Variants in PI4KA observed in about 807,000 individuals in gnomAD.
The protein encoded by PI4KA is PI4-kinase alpha.
Under a neutral mutation model 271.4 loss-of-function variants are expected in PI4KA, and 122 were observed. That is an observed-to-expected ratio of 0.45 (90% CI 0.39 to 0.52). The LOEUF is 0.52. PI4KA is among the 20% of genes least tolerant of loss of function. PI4KA has a pLI of 0.00. For synonymous variants in PI4KA, 1,041 were observed against 1,078.8 expected, an observed-to-expected ratio of 0.96 and a Z score of 0.69; for missense variants, 1,969 against 2,769.1, an observed-to-expected ratio of 0.71 and a Z score of 6.48.
chr22:20,709,969 C>G lies in PI4KA; in HGVS notation c.6112G>C (p.Val2038Leu). 1.2e-6 allele frequency: 2 copies of G among 1,613,612 alleles called. No homozygotes were observed. Among genetic ancestry groups the G allele is most frequent in the Non-Finnish European group, 1.7e-6 (2 of 1,179,610 alleles). The change falls in exon 53 of 55, where the codon GTC becomes CTC. Residue 2038 changes from valine (V) to leucine (L), a missense_variant. Coordinates refer to ENST00000255882, the MANE Select transcript of PI4KA (RefSeq NM_058004.4). ...RPYMDAVVSL[V>L]TLMLDTGLPC... ...AGGCCCGTGTCCAACATGAGAGTGA[C>G]CAGGGAGACGACCGCGTCCATGTAG...
chr22:20,786,344 CACTT>C (rs1393680020), intron 19 of PI4KA, among the ~76,000 whole-genome samples: 2 of 152,140 alleles, frequency 1.3e-5, no homozygotes, highest in African/African-American at 4.8e-5. Flanking sequence ...ACCTGGCAGA[CACTT>C]ACTGGGCAGG....
At position 20,779,794 on chromosome 22, in the gene PI4KA, C is replaced by A. The variant is rs930125664; in HGVS notation, c.2328+13399G>T. 34 of 1,614,186 alleles carry A rather than the reference C, an allele frequency of 2.1e-5. No individual in the cohort carries two copies. Among genetic ancestry groups the A allele is most frequent in the Middle Eastern group, 1.6e-4 (1 of 6,062 alleles). On this transcript the variant is annotated intron_variant, in intron 19 of 54. Transcript: ENST00000255882. Reference sequence around the variant, plus strand: ...ATAGCACCCGTTGGCATTTCTACTGCGATGGGTATGATTTCCTTAGGTCTG... The same window carrying A: ...ATAGCACCCGTTGGCATTTCTACTGAGATGGGTATGATTTCCTTAGGTCTG...
At chr22:20,815,197 A>G (rs1196528249) in intron 7 of PI4KA, among the ~76,000 whole-genome samples, 1 of 151,992 alleles carries the variant, frequency 6.6e-6, no homozygotes, top group Admixed American at 6.5e-5. Flanking sequence ...CCTGGCAAAC[A>G]TGGTGAAACG....
Position 20,767,936 on chromosome 22 carries a change from AATTATTATTATTATT to A in PI4KA, c.2329-2258_2329-2244del, listed in dbSNP as rs58742158. ...AGGTGTGAGCCACCACACCTGGCCT[AATTATTATTATTATT>A]ATTATTATTATTATTATTATTATTA... is the stretch of plus-strand genomic sequence containing the variant. On this transcript the variant is annotated intron_variant, in intron 19 of 54. Coordinates refer to ENST00000255882, the MANE Select transcript of PI4KA (RefSeq NM_058004.4). Among the ~76,000 whole-genome samples the A allele has an allele frequency of 4.9e-3, 700 of 141,530 alleles. 4 individuals carry two copies. Among genetic ancestry groups the A allele is most frequent in the Middle Eastern group, 7.3e-3 (2 of 274 alleles). The allele number at this position is 141,530 out of a possible 152,430, so 92.8% of individuals were successfully genotyped here.
intron 22 of PI4KA, among the ~76,000 whole-genome samples, chr22:20,763,961 T>C (rs562486908): frequency 2.8e-4 from 43 of 152,330 alleles, no homozygotes; most frequent in Admixed American, 2.7e-3. Context: ...ACTATTTTAC[T>C]AGAGGGTTGG....
intron 4 of PI4KA, among the ~76,000 whole-genome samples, chr22:20,821,748 C>T (rs540328609): frequency 1.9e-3 from 287 of 151,288 alleles, no homozygotes; most frequent in African/African-American, 6.8e-3. Flanking sequence ...TGCACCACCA[C>T]GCCTGGCTAA....
At chr22:20,744,132 C>A (rs1224026580) in intron 30 of PI4KA, among the ~76,000 whole-genome samples, 2 of 152,072 alleles carry the variant, frequency 1.3e-5, no homozygotes, top group African/African-American at 2.4e-5. Flanking sequence ...GAAATGGAGG[C>A]CCACAGATGT....
chr22:20,781,009 T>G (rs146890521), intron 19 of PI4KA, among the ~76,000 whole-genome samples: 85 of 152,308 alleles, frequency 5.6e-4, no homozygotes, highest in African/African-American at 1.9e-3. Flanking sequence ...CTGTGAACTA[T>G]TCAGCTTGAG....
intron 10 of PI4KA, among the ~76,000 whole-genome samples, chr22:20,805,688 C>T (rs577582984): frequency 1.3e-4 from 19 of 151,622 alleles, no homozygotes; most frequent in Non-Finnish European, 2.4e-4. Context: ...AAAAATTAGC[C>T]GGGCGTGGTG....
In PI4KA at chr22:20,707,980, G is replaced by C. The variant is rs13471; in HGVS notation, c.*67C>G. 7.4e-7 allele frequency: 1 copy of C among 1,355,982 alleles called. No individual in the cohort carries two copies. Among genetic ancestry groups the C allele is most frequent in the Admixed American group, 1.7e-5 (1 of 59,636 alleles). 84.0% of individuals were successfully genotyped at this position (1,355,982 alleles called of 1,614,324 possible). On this transcript the variant is annotated 3_prime_UTR_variant, in exon 55 of 55. Transcript: ENST00000255882. ...CATGTGGCGGCAGGGCAGGGAGGTC[G>C]CAGGGCTCCATGATTGTGGGACAGC...
At chr22:20,715,272 T>C (rs1287916512) in intron 45 of PI4KA, among the ~76,000 whole-genome samples, 1 of 151,224 alleles carries the variant, frequency 6.6e-6, no homozygotes, top group East Asian at 2.0e-4. Context: ...GGTTTCACCA[T>C]GTTGGCCAGG....
chr22:20,841,914 G>A (rs1016935924), intron 1 of PI4KA, among the ~76,000 whole-genome samples: 2 of 152,168 alleles, frequency 1.3e-5, no homozygotes, highest in African/African-American at 4.8e-5. Context: ...TCTAGGAGCT[G>A]TAAAAGGCTT....
At chr22:20,791,483 T>C (rs925434959) in intron 19 of PI4KA, among the ~76,000 whole-genome samples, 17 of 152,174 alleles carry the variant, frequency 1.1e-4, no homozygotes, top group Non-Finnish European at 2.2e-4. Context: ...GGGCCAGGCA[T>C]GGTGGTTCAC....
intron 19 of PI4KA, chr22:20,783,984 A>G: frequency 6.2e-7 from 1 of 1,614,230 alleles, no homozygotes; most frequent in South Asian, 1.1e-5. Flanking sequence ...TCCTGGGTGA[A>G]TAAATTCCCA....
chr22:20,823,837 A>G (rs1336330844), intron 4 of PI4KA, among the ~76,000 whole-genome samples: 1 of 152,152 alleles, frequency 6.6e-6, no homozygotes, highest in Non-Finnish European at 1.5e-5. Context: ...GCTACTTGGG[A>G]GTCTTAGGAG....
At chr22:20,825,109 G>C (rs1029477579) in intron 3 of PI4KA, among the ~76,000 whole-genome samples, 3 of 144,552 alleles carry the variant, frequency 2.1e-5, no homozygotes, top group Non-Finnish European at 3.0e-5. Flanking sequence ...ATTGAATGTT[G>C]AATCAAGGAA....
At chr22:20,786,560 G>A (rs1934246493) in intron 19 of PI4KA, among the ~76,000 whole-genome samples, 1 of 152,200 alleles carries the variant, frequency 6.6e-6, no homozygotes, top group South Asian at 2.1e-4. Context: ...CAGTGCAGCA[G>A]ACCCAGTTCC....
chr22:20,723,210 C>T (rs1027188767), intron 42 of PI4KA, among the ~76,000 whole-genome samples: 10 of 151,540 alleles, frequency 6.6e-5, no homozygotes, highest in African/African-American at 9.7e-5. Context: ...TTAGTAGAGA[C>T]GGGGTTTCAC....
intron 39 of PI4KA, among the ~76,000 whole-genome samples, chr22:20,728,904 C>T (rs1199016992): frequency 6.6e-6 from 1 of 152,204 alleles, no homozygotes. Flanking sequence ...CTGCTGTCTG[C>T]AGCATGTGCC....
Sources: allele counts gnomAD v4.1 joint callset (sites outside exome capture counted in the v4.1 genomes callset), GRCh38; gene constraint gnomAD v4.1.1; transcripts MANE v1.5; gene names NCBI Gene and HGNC (gene_info 2026-07-23, HGNC 2026-07-21).